The following KIAA1217 variants were observed in gnomAD, a reference collection of about 807,000 sequenced individuals.
KIAA1217 encodes the protein KIAA1217, also known as sickle tail protein homolog.
KIAA1217 carries 88 observed loss-of-function variants against 163.9 expected under a neutral mutation model. That is an observed-to-expected ratio of 0.54 (90% CI 0.45 to 0.64). KIAA1217 has a LOEUF of 0.64. Among genes scored for constraint, KIAA1217 ranks in the 30% least tolerant of loss-of-function variants. The probability of loss-of-function intolerance (pLI) is 0.00; values close to 1 mark genes in which losing one functional copy is unlikely to be tolerated. For synonymous variants in KIAA1217, 903 were observed against 923.1 expected (o/e 0.98, Z 0.39); for missense variants, 2,372 against 2,475.0 (o/e 0.96, Z 0.88).
At chr10:23,992,008 ATT>A (rs1220699201) in intron 1 of KIAA1217, among the ~76,000 whole-genome samples, 3 of 152,156 alleles carry the variant, frequency 2.0e-5, no homozygotes, top group Admixed American at 1.3e-4. Flanking sequence ...CTTGCAATCC[ATT>A]AATATTATGA....
chr10:24,276,144 G>T (rs1370665567), intron 2 of KIAA1217, among the ~76,000 whole-genome samples: 1 of 152,128 alleles, frequency 6.6e-6, no homozygotes, highest in African/African-American at 2.4e-5. Flanking sequence ...CAAGGTCATT[G>T]GAATCTGCTG....
At chr10:24,396,670 C>G (rs2130941228) in intron 3 of KIAA1217, among the ~76,000 whole-genome samples, 1 of 152,092 alleles carries the variant, frequency 6.6e-6, no homozygotes, top group South Asian at 2.1e-4. Context: ...GAGTTCCAGG[C>G]AGAGGAACAG....
intron 1 of KIAA1217, among the ~76,000 whole-genome samples, chr10:23,754,961 A>C (rs902948380): frequency 6.6e-6 from 1 of 151,348 alleles, no homozygotes; most frequent in Non-Finnish European, 1.5e-5. Flanking sequence ...TAAAAAAAAA[A>C]CAATTGGCAA....
chr10:23,819,374 G>C lies in KIAA1217; in HGVS notation c.-321+124140G>C, dbSNP rs61849182. On this transcript the variant is annotated intron_variant, in intron 1 of 18. Transcript: ENST00000376462. ...TACCTCTTCTCCTTCTGAATTCAGGGGAGATAGCTGGAATTCAGGATCAAC... is the reference window on the plus strand; with the variant it reads ...TACCTCTTCTCCTTCTGAATTCAGGCGAGATAGCTGGAATTCAGGATCAAC... Among the ~76,000 whole-genome samples, 896 of 152,228 alleles carry C rather than the reference G, an allele frequency of 5.9e-3. 4 individuals carry two copies. Among genetic ancestry groups the C allele is most frequent in the Non-Finnish European group, 8.9e-3 (602 of 68,020 alleles).
At chr10:23,935,449 G>T (rs930634841) in intron 1 of KIAA1217, among the ~76,000 whole-genome samples, 2 of 152,058 alleles carry the variant, frequency 1.3e-5, no homozygotes, top group Admixed American at 6.6e-5. Flanking sequence ...GACATTTATC[G>T]GCTCTGATTT....
intron 6 of KIAA1217, among the ~76,000 whole-genome samples, chr10:24,491,819 C>T (rs540647126): frequency 4.3e-4 from 66 of 152,248 alleles, no homozygotes; most frequent in African/African-American, 1.5e-3. Context: ...TTACTGTCTT[C>T]TGCATGTACT....
chr10:23,753,548 T>C (rs1414891472), intron 1 of KIAA1217, among the ~76,000 whole-genome samples: 2 of 152,338 alleles, frequency 1.3e-5, no homozygotes, highest in South Asian at 2.1e-4. Flanking sequence ...TTACAGACTG[T>C]GTTCAATTGG....
At chr10:23,871,805 A>G (rs2131164172) in intron 1 of KIAA1217, among the ~76,000 whole-genome samples, 1 of 152,216 alleles carries the variant, frequency 6.6e-6, no homozygotes, top group Non-Finnish European at 1.5e-5. Flanking sequence ...ATCAGTAGCA[A>G]CTAAAACCAT....
intron 2 of KIAA1217, among the ~76,000 whole-genome samples, chr10:24,170,255 A>G (rs1449236601): frequency 6.6e-6 from 1 of 152,238 alleles, no homozygotes; most frequent in East Asian, 1.9e-4. Flanking sequence ...TTGGGGCTTC[A>G]GAACAAGGAA....
rs569622889 is a variant in KIAA1217, at chr10:24,203,379, GA to G, written c.-170-16246del. On this transcript the variant is annotated intron_variant, in intron 2 of 18. Coordinates refer to the KIAA1217 transcript ENST00000376462. Reference sequence around the variant, plus strand: ...GTATAACAGAGCAAAGGCTGAACAGGACCCTGGAGACGAGAAAGATGGGAGA... The same window carrying G: ...GTATAACAGAGCAAAGGCTGAACAGGCCCTGGAGACGAGAAAGATGGGAGA... Among the ~76,000 whole-genome samples the G allele has an allele frequency of 1.4e-3, 210 of 152,266 alleles. 4 individuals are homozygous for G. The highest frequency in any genetic ancestry group is 4.8e-3 in the African/African-American group (199 of 41,542).
At chr10:24,444,184 T>C (rs901981393) in intron 5 of KIAA1217, among the ~76,000 whole-genome samples, 2 of 152,092 alleles carry the variant, frequency 1.3e-5, no homozygotes, top group Non-Finnish European at 1.5e-5. Flanking sequence ...CACATTTTTG[T>C]ATTTTTTACT....
rs12255079 is a variant in KIAA1217, at chr10:24,173,795, G to A, written c.-170-45831G>A. Among the ~76,000 whole-genome samples the A allele has an allele frequency of 3.0e-3, 463 of 152,318 alleles. 1 individual carries two copies. Among genetic ancestry groups the A allele is most frequent in the African/African-American group, 0.011 (438 of 41,572 alleles). ...AACTACCTTTTTAATAAGAGTGTTA[G>A]TATTAGTTTGAGTAACCCAAATCTT... On this transcript the variant is annotated intron_variant, in intron 2 of 18. Coordinates refer to the KIAA1217 transcript ENST00000376462.
rs2073388931 is a variant in KIAA1217, at chr10:24,243,647, T to C, written c.354+23738T>C. Among the ~76,000 whole-genome samples, 3 of 137,918 alleles carry C rather than the reference T, an allele frequency of 2.2e-5. 1 individual carries two copies. In the South Asian group the frequency reaches 6.8e-4, roughly 31 times the overall value. The allele number at this position is 137,918 out of a possible 152,430, so 90.5% of individuals were successfully genotyped here. A position where few individuals can be genotyped will look rare whatever the true frequency, so the allele number is the denominator to read the frequency against. On this transcript the variant is annotated intron_variant, in intron 2 of 20. Transcript: ENST00000376454. The stretch of plus-strand genomic sequence containing the variant: ...GAATATTCACATATATACAGGAATA[T>C]ATATATATATATACACATCTATGAA...
chr10:24,187,764 C>A (rs2066509909), intron 2 of KIAA1217, among the ~76,000 whole-genome samples: 1 of 152,070 alleles, frequency 6.6e-6, no homozygotes, highest in South Asian at 2.1e-4. Context: ...GTGGCACATG[C>A]CTATAATCCC....
intron 1 of KIAA1217, among the ~76,000 whole-genome samples, chr10:23,865,865 A>AT (rs1168460156): frequency 6.6e-6 from 1 of 152,114 alleles, no homozygotes; most frequent in Non-Finnish European, 1.5e-5. Context: ...TTAAAATGCC[A>AT]TTTTTGTCAC....
chr10:24,466,678 T>G, intron 5 of KIAA1217: 1 of 985,418 alleles, frequency 1.0e-6, no homozygotes, highest in Non-Finnish European at 1.2e-6. Context: ...AATATTCAAG[T>G]GTGCAACCAA....
At position 23,824,631 on chromosome 10, in the gene KIAA1217, G is replaced by GA. The variant is rs1216051100; in HGVS notation, c.-321+129416dup. Among the ~76,000 whole-genome samples the GA allele has an allele frequency of 5.2e-3, 59 of 11,388 alleles. 2 individuals are homozygous for GA. Among genetic ancestry groups the GA allele is most frequent in the East Asian group, 0.028 (7 of 254 alleles). 7.5% of individuals were successfully genotyped at this position (11,388 alleles called of 152,430 possible). On this transcript the variant is annotated intron_variant, in intron 1 of 18. Coordinates refer to the KIAA1217 transcript ENST00000376462. Reference sequence around the variant, plus strand: ...CAACAAGAGTGAAACTCTGTCTCAAGAAAAAAAAAAAAAAAAAAATAAAAA... The same window carrying GA: ...CAACAAGAGTGAAACTCTGTCTCAAGAAAAAAAAAAAAAAAAAAAATAAAAA...
intron 3 of KIAA1217, among the ~76,000 whole-genome samples, chr10:24,427,333 T>A (rs947856780): frequency 1.3e-5 from 2 of 152,008 alleles, no homozygotes; most frequent in African/African-American, 4.8e-5. Flanking sequence ...TTCAAGCAGA[T>A]GGTCAGCCTA....
chr10:23,990,733 G>T (rs1236425704), intron 1 of KIAA1217, among the ~76,000 whole-genome samples: 1 of 152,084 alleles, frequency 6.6e-6, no homozygotes, highest in African/African-American at 2.4e-5. Context: ...AAAAATGTAA[G>T]GAACTGTGCT....
Sources: gnomAD v4.1 joint callset for allele counts (sites outside exome capture counted in the v4.1 genomes callset) on GRCh38, gnomAD v4.1.1 for gene constraint, MANE v1.5 for transcripts, NCBI Gene and HGNC (gene_info 2026-07-23, HGNC 2026-07-21) for gene names.